DYM: variants seen among roughly 807,000 people sequenced by gnomAD.
DYM encodes dyggve-Melchior-Clausen syndrome protein.
A neutral mutation model predicts 93.1 loss-of-function variants in DYM; 78 were observed. That is an observed-to-expected ratio of 0.84 (90% confidence interval 0.70 to 1.01). The LOEUF is 1.01. Ranked by LOEUF, DYM falls within the 50% of genes least tolerant of loss-of-function variation. DYM has a pLI of 0.00. For missense variants in DYM, 789 were observed against 845.0 expected (o/e 0.93, Z 0.82); for synonymous variants, 321 against 319.7 (o/e 1.00, Z -0.04).
At chr18:49,270,716 T>G (rs991422080) in intron 11 of DYM, among the ~76,000 whole-genome samples, 3 of 152,148 alleles carry the variant, frequency 2.0e-5, no homozygotes, top group Admixed American at 6.6e-5. Flanking sequence ...AAAAATAAAT[T>G]TGTATGTTTT....
chr18:49,209,872 T>C (rs1600674039), intron 13 of DYM, among the ~76,000 whole-genome samples, 157 bp from the exon 14 acceptor site: 1 of 144,492 alleles, frequency 6.9e-6, no homozygotes, highest in African/African-American at 2.5e-5. Context: ...AAAAAGAAAA[T>C]GAACAATCAG....
At position 49,042,665 on chromosome 18, in the gene DYM, T is replaced by A. The variant is rs2071017264; in HGVS notation, c.*1390A>T. 1 of 152,266 alleles carries A rather than the reference T, an allele frequency of 6.6e-6. No individual in the cohort carries two copies. The highest frequency in any genetic ancestry group is 1.5e-5 in the Non-Finnish European group (1 of 68,058). The allele number at this position is 152,266 out of a possible 1,614,324, so 9.4% of individuals were successfully genotyped here. A position where few individuals can be genotyped will look rare whatever the true frequency, so the allele number is the denominator to read the frequency against. ...CAGTGTGCTCAGTCTCGTCTGGGCTTTTGTGCTTTCTATGTTGAAGACCAA... is the reference window on the plus strand; with the variant it reads ...CAGTGTGCTCAGTCTCGTCTGGGCTATTGTGCTTTCTATGTTGAAGACCAA... On this transcript the variant is annotated 3_prime_UTR_variant, in exon 18 of 18. Coordinates refer to ENST00000675505, the MANE Select transcript of DYM (RefSeq NM_001353214.3).
chr18:49,427,487 AAATTT>A (rs1173237022), intron 2 of DYM, among the ~76,000 whole-genome samples: 1 of 152,074 alleles, frequency 6.6e-6, no homozygotes, highest in Non-Finnish European at 1.5e-5. Flanking sequence ...ACTTTAATTT[AAATTT>A]AATTAAAATT....
At chr18:49,309,635 T>A (rs1049498849) in intron 8 of DYM, among the ~76,000 whole-genome samples, 2 of 151,854 alleles carry the variant, frequency 1.3e-5, no homozygotes, top group African/African-American at 4.8e-5. Context: ...ATCCTGTCTC[T>A]AAAAAAAACA....
At chr18:49,215,239 G>A (rs1252806864) in intron 13 of DYM, among the ~76,000 whole-genome samples, 1 of 152,018 alleles carries the variant, frequency 6.6e-6, no homozygotes, top group African/African-American at 2.4e-5. Flanking sequence ...TTTCTTCTCT[G>A]ATTGATATTA....
At chr18:49,395,947 C>A (rs1156858204) in intron 2 of DYM, among the ~76,000 whole-genome samples, 1 of 152,178 alleles carries the variant, frequency 6.6e-6, no homozygotes, top group African/African-American at 2.4e-5. Flanking sequence ...TATGAACAGA[C>A]TGATACCCTC....
At chr18:49,346,018 T>A (rs2064562203) in intron 6 of DYM, among the ~76,000 whole-genome samples, 1 of 152,164 alleles carries the variant, frequency 6.6e-6, no homozygotes, top group Non-Finnish European at 1.5e-5. Flanking sequence ...GAAACCCTCT[T>A]TCATGGCTGG....
chr18:49,378,839 A>C, intron 4 of DYM, 139 bp from the exon 5 acceptor site: 1 of 781,178 alleles, frequency 1.3e-6, no homozygotes, highest in South Asian at 1.7e-5. Context: ...CATATCTTTT[A>C]ATGGCTCATG....
chr18:49,383,991 T>A lies in DYM; in HGVS notation c.194-4233A>T, dbSNP rs561077242. On this transcript the variant is annotated intron_variant, in intron 3 of 17. Transcript: ENST00000675505. ...ACAGGAAAATTAATCACCTATTTTT[T>A]AAAAAAGAACAGAAATCCACTGGGG... Among the ~76,000 whole-genome samples, 10 of 152,088 alleles carry A rather than the reference T, an allele frequency of 6.6e-5. No individual in the cohort carries two copies. The East Asian group carries it at 1.7e-3, about 26-fold the overall frequency.
At chr18:49,326,002 C>A (rs2062849822) in intron 8 of DYM, among the ~76,000 whole-genome samples, 1 of 152,186 alleles carries the variant, frequency 6.6e-6, no homozygotes, top group Non-Finnish European at 1.5e-5. Flanking sequence ...GATTCAGGAA[C>A]TGGAAAGGAG....
At chr18:49,168,937 T>C (rs1354872520) in intron 14 of DYM, among the ~76,000 whole-genome samples, 1 of 152,070 alleles carries the variant, frequency 6.6e-6, no homozygotes, top group Non-Finnish European at 1.5e-5. Flanking sequence ...CCATAACTTA[T>C]AAGGCAAGAA....
At position 49,235,786 on chromosome 18, in the gene DYM, A is replaced by AC. The variant is rs2093842146; in HGVS notation, c.1460+21223dup. Among the ~76,000 whole-genome samples, 9 of 150,696 alleles carry AC rather than the reference A, an allele frequency of 6.0e-5. No individual in the cohort carries two copies. In the South Asian group the frequency reaches 1.5e-3, roughly 25 times the overall value. Reference sequence around the variant, plus strand: ...ATATCACTGTGAAAGAAAAAAAAAAACTGTGGCTTGAAAAAATGCCTAAAA... The same window carrying AC: ...ATATCACTGTGAAAGAAAAAAAAAAACCTGTGGCTTGAAAAAATGCCTAAAA... On this transcript the variant is annotated intron_variant, in intron 13 of 17. Transcript: ENST00000675505.
chr18:49,395,726 A>T (rs2069985131), intron 2 of DYM, among the ~76,000 whole-genome samples: 1 of 152,212 alleles, frequency 6.6e-6, no homozygotes, highest in Non-Finnish European at 1.5e-5. Context: ...CCACAATGAG[A>T]TATCACATCA....
chr18:49,276,082 C>T (rs1383189357), intron 10 of DYM, among the ~76,000 whole-genome samples: 1 of 151,850 alleles, frequency 6.6e-6, no homozygotes, highest in Non-Finnish European at 1.5e-5. Context: ...AATCAAATGC[C>T]CAGGCTAGAA....
intron 1 of DYM, among the ~76,000 whole-genome samples, chr18:49,449,154 T>C (rs900898331): frequency 1.3e-5 from 2 of 152,178 alleles, no homozygotes; most frequent in Non-Finnish European, 2.9e-5. Flanking sequence ...TGCAAGACCT[T>C]AGGCAAATAA....
intron 15 of DYM, among the ~76,000 whole-genome samples, chr18:49,150,461 G>T (rs2085689951): frequency 6.6e-6 from 1 of 152,204 alleles, no homozygotes; most frequent in Non-Finnish European, 1.5e-5. Flanking sequence ...TAACATAGAT[G>T]CTAACAAAAG....
At chr18:49,097,262 AC>A in intron 17 of DYM, 139 bp downstream of exon 17, 1 of 747,296 alleles carries the variant, frequency 1.3e-6, no homozygotes, top group South Asian at 1.5e-5. Flanking sequence ...GCTGTCAGAA[AC>A]CTTTGTCACA....
At chr18:49,080,524 C>T (rs1342261478) in intron 17 of DYM, among the ~76,000 whole-genome samples, 1 of 145,034 alleles carries the variant, frequency 6.9e-6, no homozygotes, top group African/African-American at 2.6e-5. Flanking sequence ...CTCCTCACTT[C>T]CCAGTAGGGG....
chr18:49,427,007 T>G (rs781204404), intron 2 of DYM, among the ~76,000 whole-genome samples: 6 of 152,144 alleles, frequency 3.9e-5, no homozygotes, highest in African/African-American at 9.7e-5. Context: ...AGAACTCCAG[T>G]TATTAAATGT....
Sources: allele counts gnomAD v4.1 joint callset (sites outside exome capture counted in the v4.1 genomes callset), GRCh38; gene constraint gnomAD v4.1.1; transcripts MANE v1.5; gene names NCBI Gene and HGNC (gene_info 2026-07-23, HGNC 2026-07-21).